Variants in DGKD observed in about 807,000 individuals in gnomAD.
The protein encoded by DGKD is DAG kinase delta.
In DGKD, 68 loss-of-function variants were observed where a neutral mutation model predicts 154.4. The observed-to-expected ratio is 0.44, with a 90% CI of 0.36 to 0.54. The LOEUF (loss-of-function observed/expected upper bound fraction) is 0.54. Among genes scored for constraint, DGKD ranks in the 20% least tolerant of loss-of-function variants. The probability of loss-of-function intolerance (pLI) is 0.00; values close to 1 mark genes in which losing one functional copy is unlikely to be tolerated. For synonymous variants in DGKD, 693 were observed against 638.0 expected, an observed-to-expected ratio of 1.09 and a Z score of -1.30; for missense variants, 1,343 against 1,593.6, an observed-to-expected ratio of 0.84 and a Z score of 2.68.
chr2:233,465,727 G>A (rs535775358), intron 27 of DGKD, among the ~76,000 whole-genome samples: 2 of 152,220 alleles, frequency 1.3e-5, no homozygotes, highest in African/African-American at 4.8e-5. Context: ...CAAGGGTATC[G>A]CTAACAGCAT....
intron 3 of DGKD, among the ~76,000 whole-genome samples, chr2:233,424,749 C>T (rs1279813921): frequency 2.0e-5 from 3 of 152,178 alleles, no homozygotes; most frequent in Non-Finnish European, 4.4e-5. Flanking sequence ...CAGCCGGGTT[C>T]GTCAGGTTGT....
chr2:233,464,390 G>T, intron 27 of DGKD, 107 bp downstream of exon 27: 1 of 1,439,426 alleles, frequency 6.9e-7, no homozygotes, highest in Non-Finnish European at 9.5e-7. Flanking sequence ...AGATCGTGTC[G>T]CTCCGGCAGC....
intron 3 of DGKD, among the ~76,000 whole-genome samples, chr2:233,432,086 G>A (rs2062533216): frequency 6.6e-6 from 1 of 152,258 alleles, no homozygotes; most frequent in Admixed American, 6.5e-5. Context: ...ACAGCCTACA[G>A]AATGGGAGAA....
intron 1 of DGKD, among the ~76,000 whole-genome samples, chr2:233,355,042 C>T (rs919001332): frequency 6.6e-6 from 1 of 151,864 alleles, no homozygotes; most frequent in Non-Finnish European, 1.5e-5. Context: ...CGCGGGGGCT[C>T]CCGGCTGCGC....
chr2:233,463,763 C>A, intron 26 of DGKD: 1 of 239,948 alleles, frequency 4.2e-6, no homozygotes, highest in Non-Finnish European at 8.4e-6. Context: ...CCCCTCGTCC[C>A]ACGTCCCGTG....
intron 3 of DGKD, among the ~76,000 whole-genome samples, chr2:233,424,385 CTT>C (rs991511110): frequency 1.3e-5 from 2 of 152,208 alleles, no homozygotes; most frequent in African/African-American, 4.8e-5. Flanking sequence ...TCCTCCAGAT[CTT>C]ATTTCTCCAC....
At chr2:233,468,247 G>T (rs141907484) in intron 28 of DGKD, among the ~76,000 whole-genome samples, 176 bp from the exon 29 acceptor site, 3 of 131,698 alleles carry the variant, frequency 2.3e-5, no homozygotes, top group African/African-American at 1.0e-4. Flanking sequence ...GGGCTATCTC[G>T]GGTGCCGGCT....
intron 3 of DGKD, among the ~76,000 whole-genome samples, chr2:233,398,299 G>A (rs987571716): frequency 1.5e-4 from 23 of 151,430 alleles, no homozygotes; most frequent in African/African-American, 5.3e-4. Context: ...CCGCCACCAC[G>A]CCCGACTAAT....
At chr2:233,468,652 CG>C in intron 29 of DGKD, 99 bp downstream of exon 29, 5 of 1,549,526 alleles carry the variant, frequency 3.2e-6, no homozygotes, top group Admixed American at 1.8e-5. Flanking sequence ...CCCAGCATCA[CG>C]ATTCTTCTCA....
intron 7 of DGKD, 97 bp from the exon 8 acceptor site, chr2:233,437,280 T>TC (rs2062729405): frequency 1.8e-6 from 2 of 1,130,492 alleles, no homozygotes; most frequent in African/African-American, 3.1e-5. Context: ...ATCACCTGCC[T>TC]CCCCCGAGGC....
chr2:233,447,996 TGGCAA>T, intron 12 of DGKD, 86 bp from the exon 13 acceptor site: 6 of 1,584,794 alleles, frequency 3.8e-6, no homozygotes, highest in Non-Finnish European at 5.1e-6. Context: ...CAGCTTGTGC[TGGCAA>T]GGAAGTGGCT....
At chr2:233,411,447 T>C (rs762057669) in intron 3 of DGKD, among the ~76,000 whole-genome samples, 3 of 152,228 alleles carry the variant, frequency 2.0e-5, no homozygotes, top group African/African-American at 4.8e-5. Context: ...TGACTAATGA[T>C]GTCAACATCT....
rs76113937 is a variant in DGKD, at chr2:233,423,649, G to C, written c.349-10731G>C. Among the ~76,000 whole-genome samples, 949 of 152,266 alleles carry C rather than the reference G, an allele frequency of 6.2e-3. 21 individuals are homozygous for C. In the East Asian group the frequency reaches 0.079, roughly 13 times the overall value. On this transcript the variant is annotated intron_variant, in intron 3 of 29. Transcript: ENST00000264057. Reference sequence around the variant, plus strand: ...TACTCTGTTAGGTGAGTGCTGGAGTGCCTAGCTGCGGCCTGGGAGTGGGGT... The same window carrying C: ...TACTCTGTTAGGTGAGTGCTGGAGTCCCTAGCTGCGGCCTGGGAGTGGGGT...
chr2:233,463,999 T>A, intron 26 of DGKD, 165 bp from the exon 27 acceptor site: 8 of 870,394 alleles, frequency 9.2e-6, no homozygotes, highest in Non-Finnish European at 1.4e-5. Context: ...AAAGTGAGGT[T>A]CTGGGTTTGG....
At chr2:233,436,760 G>A (rs13406655) in intron 7 of DGKD, among the ~76,000 whole-genome samples, 2 of 152,214 alleles carry the variant, frequency 1.3e-5, no homozygotes, top group African/African-American at 4.8e-5. Flanking sequence ...CGCCTCTGTG[G>A]TGTGGAAGCA....
At chr2:233,364,086 C>G (rs1701916537) in intron 1 of DGKD, among the ~76,000 whole-genome samples, 1 of 152,116 alleles carries the variant, frequency 6.6e-6, no homozygotes, top group African/African-American at 2.4e-5. Flanking sequence ...CGAGACTTTG[C>G]TTCTAAAAAC....
At chr2:233,416,861 C>G (rs1031294991) in intron 3 of DGKD, among the ~76,000 whole-genome samples, 1 of 152,136 alleles carries the variant, frequency 6.6e-6, no homozygotes, top group East Asian at 1.9e-4. Context: ...GTCCAGCAGC[C>G]CAGCTACTGA....
chr2:233,378,865 G>T (rs1157787126), intron 1 of DGKD, among the ~76,000 whole-genome samples: 2 of 152,152 alleles, frequency 1.3e-5, no homozygotes, highest in African/African-American at 4.8e-5. Flanking sequence ...GTGAGACCCC[G>T]CCTCTACAAA....
chr2:233,355,532 T>G (rs191023499), intron 1 of DGKD, among the ~76,000 whole-genome samples: 55 of 152,348 alleles, frequency 3.6e-4, no homozygotes, highest in South Asian at 1.2e-3. Flanking sequence ...TTTCTCCTCC[T>G]GCTGCAGTGC....
Sources: allele counts gnomAD v4.1 joint callset (sites outside exome capture counted in the v4.1 genomes callset), GRCh38; gene constraint gnomAD v4.1.1; transcripts MANE v1.5; gene names NCBI Gene and HGNC (gene_info 2026-07-23, HGNC 2026-07-21).